FSIP1: variants seen among roughly 807,000 people sequenced by gnomAD.
FSIP1 encodes the protein fibrous sheath-interacting protein 1.
In FSIP1, 65 loss-of-function variants were observed where a neutral mutation model predicts 60.9. That is an observed-to-expected ratio of 1.07 (90% CI 0.87 to 1.31). The LOEUF is 1.31. FSIP1 is among the 40% of genes most tolerant of loss of function. The pLI is 0.00. For synonymous variants in FSIP1, 209 were observed against 221.2 expected, an observed-to-expected ratio of 0.94 and a Z score of 0.49; for missense variants, 675 against 665.5, an observed-to-expected ratio of 1.01 and a Z score of -0.16.
chr15:39,713,158 T>A (rs1275270822), intron 10 of FSIP1, among the ~76,000 whole-genome samples: 1 of 152,246 alleles, frequency 6.6e-6, no homozygotes, highest in Non-Finnish European at 1.5e-5. Context: ...TAGCTTTTAT[T>A]CACATTGTTA....
chr15:39,770,224 T>C (rs917629427), intron 3 of FSIP1, among the ~76,000 whole-genome samples: 4 of 152,232 alleles, frequency 2.6e-5, no homozygotes, highest in African/African-American at 7.2e-5. Flanking sequence ...TTTTGTTATA[T>C]TTCTAATATA....
intron 10 of FSIP1, among the ~76,000 whole-genome samples, chr15:39,630,444 C>T (rs1042261024): frequency 1.3e-5 from 2 of 152,172 alleles, no homozygotes; most frequent in Non-Finnish European, 2.9e-5. Context: ...GAGATGAATC[C>T]GTCCACCTCC....
intron 9 of FSIP1, among the ~76,000 whole-genome samples, chr15:39,720,630 T>A (rs1895918634): frequency 6.6e-6 from 1 of 152,172 alleles, no homozygotes; most frequent in South Asian, 2.1e-4. Context: ...TGCTAAGGAT[T>A]TAAGAAACTG....
At chr15:39,680,020 C>T (rs1168703037) in intron 10 of FSIP1, among the ~76,000 whole-genome samples, 2 of 152,182 alleles carry the variant, frequency 1.3e-5, no homozygotes, top group South Asian at 4.1e-4. Flanking sequence ...CAAGCTCCCA[C>T]AGTACTTAAC....
chr15:39,662,548 A>G (rs544052002), intron 10 of FSIP1, among the ~76,000 whole-genome samples: 4 of 152,272 alleles, frequency 2.6e-5, no homozygotes, highest in Non-Finnish European at 4.4e-5. Context: ...ATGTTGCTCA[A>G]TGAAAAATAA....
intron 10 of FSIP1, among the ~76,000 whole-genome samples, chr15:39,646,743 A>G (rs560081421): frequency 6.6e-5 from 10 of 151,894 alleles, no homozygotes; most frequent in African/African-American, 1.7e-4. Flanking sequence ...TGAAATCACC[A>G]CTTAACTTCA....
intron 10 of FSIP1, among the ~76,000 whole-genome samples, chr15:39,626,498 G>T (rs956682616): frequency 2.6e-5 from 4 of 152,192 alleles, no homozygotes; most frequent in African/African-American, 9.6e-5. Context: ...ATATGGTTTG[G>T]CTCTGTGTCC....
chr15:39,638,037 C>G (rs763825625), intron 10 of FSIP1, among the ~76,000 whole-genome samples: 3 of 152,180 alleles, frequency 2.0e-5, no homozygotes, highest in Non-Finnish European at 4.4e-5. Context: ...TTGAGTTTCA[C>G]CATGCAAATT....
chr15:39,648,199 A>G (rs1335655018), intron 10 of FSIP1, among the ~76,000 whole-genome samples: 1 of 149,188 alleles, frequency 6.7e-6, no homozygotes, highest in Admixed American at 6.7e-5. Context: ...AGAATCTAGT[A>G]TAAAATTGCT....
chr15:39,606,027 G>A (rs1890811311), intron 11 of FSIP1, among the ~76,000 whole-genome samples: 1 of 152,224 alleles, frequency 6.6e-6, no homozygotes, highest in Non-Finnish European at 1.5e-5. Context: ...CCACTGGTGG[G>A]TGGTAGGCCA....
intron 10 of FSIP1, among the ~76,000 whole-genome samples, chr15:39,649,846 C>A (rs1032575122): frequency 1.1e-4 from 17 of 152,212 alleles, no homozygotes; most frequent in Non-Finnish European, 2.1e-4. Context: ...AAGCCAATAT[C>A]CCGATTGCCT....
Position 39,755,066 on chromosome 15 carries a change from T to TA in FSIP1, c.559+8754dup, listed in dbSNP as rs958730420. On this transcript the variant is annotated intron_variant, in intron 5 of 11. Coordinates refer to ENST00000350221, the MANE Select transcript of FSIP1 (RefSeq NM_152597.5). ...AGTGGTGTCTGTTTTAGAGTAAGAT[T>TA]AAAAAAAAAAATGAGGAAAAAGGCT... 9.6e-3 allele frequency among the ~76,000 whole-genome samples: 1,412 copies of TA among 147,374 alleles called. 19 individuals are homozygous for TA. Among genetic ancestry groups the TA allele is most frequent in the African/African-American group, 0.031 (1,262 of 40,322 alleles).
At chr15:39,618,333 T>C in intron 10 of FSIP1, 88 bp from the exon 11 acceptor site, 1 of 974,896 alleles carries the variant, frequency 1.0e-6, no homozygotes, top group Non-Finnish European at 1.5e-6. Context: ...CAAATATAAA[T>C]GCAAGTAACC....
At chr15:39,669,629 C>A (rs1893638921) in intron 10 of FSIP1, among the ~76,000 whole-genome samples, 1 of 152,006 alleles carries the variant, frequency 6.6e-6, no homozygotes, top group Non-Finnish European at 1.5e-5. Context: ...TAATTATATG[C>A]CAAGTTTGAA....
At chr15:39,763,687 A>T in intron 5 of FSIP1, 134 bp downstream of exon 5, 1 of 614,354 alleles carries the variant, frequency 1.6e-6, no homozygotes, top group Non-Finnish European at 3.0e-6. Flanking sequence ...ACCTAATGTG[A>T]TCAATTATTT....
Position 39,776,401 on chromosome 15 carries a change from T to C in FSIP1, c.124A>G (p.Lys42Glu), listed in dbSNP as rs1184845541. 1 of 1,612,270 alleles carries C rather than the reference T, an allele frequency of 6.2e-7. No individual in the cohort carries two copies. Among genetic ancestry groups the C allele is most frequent in the Non-Finnish European group, 8.5e-7 (1 of 1,179,452 alleles). Reference protein sequence around the residue: ...EVLSTEPGSFKVDTASNLNSG... With the variant: ...EVLSTEPGSFEVDTASNLNSG... ...AATCTTTTCTAAACGTAAATTACCT[T>C]GAAGGATCCTGGTTCTGTTGAGAGC... Residue 42 changes from lysine (K) to glutamate (E), a missense_variant and splice_region_variant, in exon 2 of 12, where the codon AAG becomes GAG. Physicochemically the swap from Lys to Glu is moderately conservative, Grantham distance 56 (BLOSUM62 1). Coordinates refer to ENST00000350221, the MANE Select transcript of FSIP1 (RefSeq NM_152597.5).
intron 10 of FSIP1, among the ~76,000 whole-genome samples, chr15:39,637,306 C>T (rs11635103): frequency 0.18 from 27,577 of 152,048 alleles, 3,043 homozygotes; most frequent in East Asian, 0.32. Context: ...TAAGCAGAAA[C>T]TGAATTAATT....
chr15:39,637,688 G>A (rs1892192530), intron 10 of FSIP1, among the ~76,000 whole-genome samples: 1 of 152,116 alleles, frequency 6.6e-6, no homozygotes, highest in Non-Finnish European at 1.5e-5. Flanking sequence ...ACTGAATAGT[G>A]GAACTTCCTA....
At chr15:39,662,321 T>C (rs1352309504) in intron 10 of FSIP1, among the ~76,000 whole-genome samples, 1 of 152,028 alleles carries the variant, frequency 6.6e-6, no homozygotes, top group African/African-American at 2.4e-5. Flanking sequence ...CCCCCCAAAA[T>C]TATAAAGTTT....
Sources: gnomAD v4.1 joint callset for allele counts (sites outside exome capture counted in the v4.1 genomes callset) on GRCh38, gnomAD v4.1.1 for gene constraint, MANE v1.5 for transcripts, NCBI Gene and HGNC (gene_info 2026-07-23, HGNC 2026-07-21) for gene names.